CSNK1G3: variants seen among roughly 807,000 people sequenced by gnomAD.
The protein encoded by CSNK1G3 is casein kinase I isoform gamma-3.
Under a neutral mutation model 64.3 loss-of-function variants are expected in CSNK1G3, and 23 were observed. That is an observed-to-expected ratio of 0.36 (90% CI 0.26 to 0.51). The LOEUF (loss-of-function observed/expected upper bound fraction) is 0.51. CSNK1G3 is among the 20% of genes least tolerant of loss of function. The probability of loss-of-function intolerance (pLI) is 0.96; values close to 1 mark genes in which losing one functional copy is unlikely to be tolerated. For synonymous variants in CSNK1G3, 158 were observed against 162.2 expected (o/e 0.97, Z 0.20); for missense variants, 357 against 510.5 (o/e 0.70, Z 2.90).
intron 6 of CSNK1G3, among the ~76,000 whole-genome samples, chr5:123,576,402 A>T (rs1326676669): frequency 2.6e-5 from 4 of 152,198 alleles, no homozygotes; most frequent in Non-Finnish European, 5.9e-5. Context: ...TATACCTTAG[A>T]GGTGGGCAGA....
chr5:123,517,683 C>G (rs141792188), intron 1 of CSNK1G3, among the ~76,000 whole-genome samples: 1 of 152,058 alleles, frequency 6.6e-6, no homozygotes, highest in Non-Finnish European at 1.5e-5. Context: ...ATAGAACTTT[C>G]TTCGATAGAC....
chr5:123,573,478 C>T (rs779466670), exon 5 of CSNK1G3: 3 of 1,613,766 alleles, frequency 1.9e-6, no homozygotes, highest in South Asian at 2.2e-5. Context: ...GTTTGGAAGA[C>T]TTGTTTGACT....
chr5:123,532,496 G>T (rs1261544215), intron 1 of CSNK1G3, among the ~76,000 whole-genome samples: 1 of 151,612 alleles, frequency 6.6e-6, no homozygotes, highest in Non-Finnish European at 1.5e-5. Flanking sequence ...CTTTTCAGTG[G>T]TTCTTAACTT....
rs552811772 is a variant in CSNK1G3, at chr5:123,522,648, C to T, written c.-248+10078C>T. ...TGTAATACCTAATACAATGTAAGTG[C>T]TGTGTAAATAGTTGTTATGAAGTAT... On this transcript the variant is annotated intron_variant, in intron 1 of 12. Coordinates refer to ENST00000345990, the Ensembl canonical transcript of CSNK1G3. 2.6e-5 allele frequency among the ~76,000 whole-genome samples: 4 copies of T among 151,964 alleles called. No individual in the cohort carries two copies. In the South Asian group the frequency reaches 8.3e-4, roughly 32 times the overall value.
intron 3 of CSNK1G3, among the ~76,000 whole-genome samples, chr5:123,557,098 T>G (rs1784793219): frequency 6.6e-6 from 1 of 152,140 alleles, no homozygotes; most frequent in South Asian, 2.1e-4. Flanking sequence ...TTACCATCTT[T>G]GTTCTTACTA....
intron 1 of CSNK1G3, among the ~76,000 whole-genome samples, chr5:123,523,917 C>T (rs1778584738): frequency 6.6e-6 from 1 of 152,068 alleles, no homozygotes; most frequent in African/African-American, 2.4e-5. Context: ...CTGTACTATC[C>T]CAGCCTTCTC....
intron 12 of CSNK1G3, among the ~76,000 whole-genome samples, chr5:123,609,050 G>A (rs1392957843): frequency 6.6e-6 from 1 of 152,142 alleles, no homozygotes; most frequent in East Asian, 1.9e-4. Context: ...AGAGAGAAGA[G>A]GTTGACGCAA....
At chr5:123,579,629 A>G (rs1243631103) in intron 6 of CSNK1G3, among the ~76,000 whole-genome samples, 1 of 151,994 alleles carries the variant, frequency 6.6e-6, no homozygotes, top group African/African-American at 2.4e-5. Context: ...TATCTGAACA[A>G]TGGTAAATGT....
intron 1 of CSNK1G3, among the ~76,000 whole-genome samples, chr5:123,529,138 T>A (rs1363288442): frequency 1.3e-5 from 2 of 152,214 alleles, no homozygotes; most frequent in Non-Finnish European, 2.9e-5. Context: ...TTAAATAAAC[T>A]GAGTTCAGGC....
chr5:123,539,009 T>G (rs2150180723), intron 1 of CSNK1G3, among the ~76,000 whole-genome samples: 1 of 152,294 alleles, frequency 6.6e-6, no homozygotes, highest in South Asian at 2.1e-4. Context: ...TATTATTTTT[T>G]AAAAATGCAT....
chr5:123,556,935 T>C (rs1784754207), intron 3 of CSNK1G3, among the ~76,000 whole-genome samples: 1 of 152,058 alleles, frequency 6.6e-6, no homozygotes, highest in South Asian at 2.1e-4. Flanking sequence ...AAAAAAGGTA[T>C]GATGGAAATG....
intron 1 of CSNK1G3, among the ~76,000 whole-genome samples, chr5:123,516,669 G>A (rs894262348): frequency 2.0e-5 from 3 of 152,052 alleles, no homozygotes; most frequent in Admixed American, 6.5e-5. Flanking sequence ...TGGTCGCTTT[G>A]TTTACCAATG....
chr5:123,613,981 C>T (rs931040353), intron 12 of CSNK1G3, among the ~76,000 whole-genome samples: 2 of 152,006 alleles, frequency 1.3e-5, no homozygotes, highest in African/African-American at 4.8e-5. Flanking sequence ...AATAAACTCC[C>T]CAATGTTAGG....
chr5:123,521,145 G>A lies in CSNK1G3; in HGVS notation c.-248+8575G>A, dbSNP rs370354631. On this transcript the variant is annotated intron_variant, in intron 1 of 12. Coordinates refer to ENST00000345990, the Ensembl canonical transcript of CSNK1G3. ...GTAGGTGTCAGTTTTAGATGACCTT[G>A]AAAAAAAGTGTTTATAGATGCATAT... is the stretch of plus-strand genomic sequence containing the variant. 2.6e-5 allele frequency among the ~76,000 whole-genome samples: 4 copies of A among 151,878 alleles called. No homozygotes were observed. In the East Asian group the frequency reaches 7.7e-4, roughly 29 times the overall value.
At chr5:123,563,157 T>C (rs1285956311) in intron 4 of CSNK1G3, among the ~76,000 whole-genome samples, 1 of 152,022 alleles carries the variant, frequency 6.6e-6, no homozygotes, top group East Asian at 1.9e-4. Context: ...TTACTACTTA[T>C]CAGAGGAAGT....
At chr5:123,575,298 G>A (rs1215025087) in intron 5 of CSNK1G3, among the ~76,000 whole-genome samples, 1 of 152,176 alleles carries the variant, frequency 6.6e-6, no homozygotes, top group Non-Finnish European at 1.5e-5. Flanking sequence ...TAATAGTTTA[G>A]ACTCTTAAGT....
At chr5:123,561,879 C>A (rs188913376) in intron 4 of CSNK1G3, among the ~76,000 whole-genome samples, 1 of 152,018 alleles carries the variant, frequency 6.6e-6, no homozygotes, top group African/African-American at 2.4e-5. Flanking sequence ...CTGATTTTGG[C>A]GTATTGGTAT....
chr5:123,582,399 T>G (rs1455511706), intron 6 of CSNK1G3, among the ~76,000 whole-genome samples: 1 of 152,148 alleles, frequency 6.6e-6, no homozygotes, highest in Non-Finnish European at 1.5e-5. Flanking sequence ...TTTACTTTCC[T>G]TATTTGGGAT....
chr5:123,614,578 A>G, exon 13 of CSNK1G3: 3 of 491,574 alleles, frequency 6.1e-6, no homozygotes, highest in Non-Finnish European at 1.0e-5. Flanking sequence ...TTTTTTCTCT[A>G]ATTTAACCTT....
Sources: allele counts gnomAD v4.1 joint callset (sites outside exome capture counted in the v4.1 genomes callset), GRCh38; gene constraint gnomAD v4.1.1; transcripts MANE v1.5; gene names NCBI Gene and HGNC (gene_info 2026-07-23, HGNC 2026-07-21).